DACH2: variants seen among roughly 807,000 people sequenced by gnomAD.
DACH2 encodes dachshund family transcription factor 2, also known as dachshund homolog 2.
Under a neutral mutation model 35.8 loss-of-function variants are expected in DACH2, and 17 were observed. The observed-to-expected ratio is 0.48, with a 90% CI of 0.33 to 0.71. The LOEUF is 0.71. DACH2 is among the 30% of genes least tolerant of loss of function. The pLI is 0.02. For missense variants in DACH2, 469 were observed against 472.7 expected, an observed-to-expected ratio of 0.99 and a Z score of 0.07; for synonymous variants, 195 against 177.3, an observed-to-expected ratio of 1.10 and a Z score of -0.79.
intron 3 of DACH2, among the ~76,000 whole-genome samples, chrX:86,542,891 A>G (rs1235038865): frequency 1.8e-5 from 2 of 111,800 alleles, no homozygotes; most frequent in Non-Finnish European, 1.9e-5. Flanking sequence ...TTGGCCAGAA[A>G]CACAATACTC....
intron 1 of DACH2, among the ~76,000 whole-genome samples, chrX:86,331,253 C>G (rs899647347): frequency 9.1e-6 from 1 of 110,437 alleles, no homozygotes; most frequent in Admixed American, 9.8e-5. Context: ...TTACAAGAGT[C>G]GAGGCTGTCG....
intron 5 of DACH2, among the ~76,000 whole-genome samples, chrX:86,698,437 T>C (rs1216423813): frequency 1.9e-5 from 2 of 107,913 alleles, no homozygotes; most frequent in Non-Finnish European, 3.8e-5. Flanking sequence ...TTGATTTATG[T>C]AACGAAAGGA....
At chrX:86,498,290 C>A (rs979582338) in intron 2 of DACH2, among the ~76,000 whole-genome samples, 5 of 111,587 alleles carry the variant, frequency 4.5e-5, no homozygotes, top group Non-Finnish European at 9.4e-5. Context: ...TAAACTAATT[C>A]TTTAATACAA....
At chrX:86,606,177 G>C (rs773825732) in intron 3 of DACH2, among the ~76,000 whole-genome samples, 66 of 110,494 alleles carry the variant, frequency 6.0e-4, no homozygotes, top group African/African-American at 2.1e-3. Flanking sequence ...TCTTAAACTG[G>C]GCATGCTTCT....
intron 1 of DACH2, among the ~76,000 whole-genome samples, chrX:86,237,011 C>A (rs981286421): frequency 1.8e-5 from 2 of 112,285 alleles, no homozygotes; most frequent in Non-Finnish European, 3.8e-5. Flanking sequence ...AAAATATTTT[C>A]TTTCTTTATA....
intron 3 of DACH2, among the ~76,000 whole-genome samples, chrX:86,544,892 C>T (rs1003001648): frequency 8.9e-6 from 1 of 112,169 alleles, no homozygotes; most frequent in African/African-American, 3.2e-5. Flanking sequence ...TATCTCCACC[C>T]CCTGGGTTCA....
At chrX:86,235,953 G>A (rs1346456959) in intron 1 of DACH2, among the ~76,000 whole-genome samples, 3 of 111,257 alleles carry the variant, frequency 2.7e-5, no homozygotes, top group Non-Finnish European at 3.8e-5. Flanking sequence ...GGCCAACATG[G>A]CGAAACAGCA....
intron 3 of DACH2, among the ~76,000 whole-genome samples, chrX:86,546,357 C>CT (rs2038959347): frequency 4.0e-5 from 2 of 50,068 alleles, no homozygotes; most frequent in Non-Finnish European, 6.5e-5. Context: ...CTTCTTCTTC[C>CT]TCTTCTTCTT....
chrX:86,207,982 G>T (rs1351586913), intron 1 of DACH2, among the ~76,000 whole-genome samples: 1 of 110,050 alleles, frequency 9.1e-6, no homozygotes, highest in Non-Finnish European at 1.9e-5. Context: ...CTTCATAGAG[G>T]CCCTGTAACA....
intron 2 of DACH2, among the ~76,000 whole-genome samples, chrX:86,421,052 C>T (rs1180717851): frequency 2.7e-5 from 3 of 111,380 alleles, no homozygotes; most frequent in Non-Finnish European, 5.7e-5. Context: ...ATATGTTTCT[C>T]TTCAAGACTT....
chrX:86,546,357 C>CTCTTCTTCTTCTTCTTCT (rs1195943792), intron 3 of DACH2, among the ~76,000 whole-genome samples: 4,457 of 49,998 alleles, frequency 0.089, 367 homozygotes, highest in Middle Eastern at 0.19. Flanking sequence ...CTTCTTCTTC[C>CTCTTCTTCTTCTTCTTCT]TCTTCTTCTT....
chrX:86,731,386 A>C (rs940188709), intron 6 of DACH2, among the ~76,000 whole-genome samples: 1 of 111,525 alleles, frequency 9.0e-6, no homozygotes, highest in Non-Finnish European at 1.9e-5. Flanking sequence ...CCTCCTTTAA[A>C]AATATTGTAC....
intron 2 of DACH2, among the ~76,000 whole-genome samples, chrX:86,509,782 C>G (rs1191309968): frequency 2.7e-5 from 3 of 111,976 alleles, no homozygotes; most frequent in African/African-American, 9.7e-5. Flanking sequence ...GTAAACAACG[C>G]CTTCAAAGCT....
chrX:86,621,961 A>G (rs2040073956), intron 3 of DACH2, among the ~76,000 whole-genome samples: 1 of 111,825 alleles, frequency 8.9e-6, no homozygotes, highest in African/African-American at 3.2e-5. Context: ...TTCTTTCAAG[A>G]ACGTTTCATA....
intron 2 of DACH2, among the ~76,000 whole-genome samples, chrX:86,495,607 C>T (rs1360287492): frequency 9.1e-6 from 1 of 109,678 alleles, no homozygotes; most frequent in Admixed American, 9.8e-5. Context: ...GCCAGTAGTT[C>T]AAGACCAGCC....
At chrX:86,395,217 A>G (rs2036265165) in intron 2 of DACH2, among the ~76,000 whole-genome samples, 1 of 111,647 alleles carries the variant, frequency 9.0e-6, no homozygotes, top group Non-Finnish European at 1.9e-5. Flanking sequence ...CTAATGTATT[A>G]CAGTATTTTC....
At chrX:86,593,931 T>G (rs1260198254) in intron 3 of DACH2, among the ~76,000 whole-genome samples, 1 of 111,618 alleles carries the variant, frequency 9.0e-6, no homozygotes, top group Non-Finnish European at 1.9e-5. Context: ...GTATAACTTC[T>G]TCCTTAAATG....
chrX:86,683,412 C>A (rs1230239715), intron 4 of DACH2, among the ~76,000 whole-genome samples: 1 of 111,551 alleles, frequency 9.0e-6, no homozygotes. Flanking sequence ...AGTCTCACTG[C>A]TGAACCACTT....
intron 7 of DACH2, among the ~76,000 whole-genome samples, chrX:86,743,462 C>G (rs574112694): frequency 9.0e-6 from 1 of 111,463 alleles, no homozygotes; most frequent in East Asian, 2.8e-4. Context: ...ATGAGTTAGA[C>G]AGTAGCTAAC....
Sources: allele counts gnomAD v4.1 joint callset (sites outside exome capture counted in the v4.1 genomes callset), GRCh38; gene constraint gnomAD v4.1.1; transcripts MANE v1.5; gene names NCBI Gene and HGNC (gene_info 2026-07-23, HGNC 2026-07-21).